Variants in TEX36 observed in about 807,000 individuals in gnomAD.
TEX36 encodes the protein testis-expressed protein 36.
TEX36 carries 12 observed loss-of-function variants against 13.6 expected under a neutral mutation model. That is an observed-to-expected ratio of 0.88 (90% confidence interval 0.56 to 1.43). TEX36 has a LOEUF of 1.43. Ranked by LOEUF, TEX36 falls within the 40% of genes most tolerant of loss-of-function variation. The pLI is 0.00. For missense variants in TEX36, 224 were observed against 228.3 expected, an observed-to-expected ratio of 0.98 and a Z score of 0.12; for synonymous variants, 93 against 83.0, an observed-to-expected ratio of 1.12 and a Z score of -0.65.
At chr10:125,613,589 G>A in intron 3 of TEX36, among the ~76,000 whole-genome samples, 1 of 151,510 alleles carries the variant, frequency 6.6e-6, no homozygotes, top group Non-Finnish European at 1.5e-5. Flanking sequence ...TTTCATCCAT[G>A]TCCCTACAAA....
Position 125,655,706 on chromosome 10 carries a change from T to C in TEX36, c.*194A>G. The C allele has an allele frequency of 1.6e-6, 2 of 1,260,170 alleles. No homozygotes were observed. Among genetic ancestry groups the C allele is most frequent in the East Asian group, 6.2e-5 (2 of 32,294 alleles). 78.1% of individuals were successfully genotyped at this position (1,260,170 alleles called of 1,614,324 possible). ...AACTCCCCAAAAGTAAATGTGGCCA[T>C]CTGAAAAGTTTATTTACACATGCGT... is the stretch of plus-strand genomic sequence containing the variant. On this transcript the variant is annotated 3_prime_UTR_variant, in exon 4 of 4. Transcript: ENST00000368821.
At chr10:125,633,996 AC>A (rs1846593315) in intron 3 of TEX36, among the ~76,000 whole-genome samples, 1 of 151,896 alleles carries the variant, frequency 6.6e-6, no homozygotes, top group African/African-American at 2.4e-5. Context: ...AGCATTGGAT[AC>A]CTTTACTTTC....
At chr10:125,640,045 C>T (rs1271125051) in intron 3 of TEX36, 1 of 485,784 alleles carries the variant, frequency 2.1e-6, no homozygotes. Flanking sequence ...GCGTAGTATT[C>T]CGCTGTGGTC....
intron 3 of TEX36, among the ~76,000 whole-genome samples, chr10:125,578,958 T>C (rs896662468): frequency 6.6e-6 from 1 of 152,216 alleles, no homozygotes; most frequent in Non-Finnish European, 1.5e-5. Context: ...TTCCTAGTTC[T>C]TGAAGCCCCC....
At chr10:125,638,208 G>A (rs1846643274) in intron 3 of TEX36, among the ~76,000 whole-genome samples, 1 of 151,352 alleles carries the variant, frequency 6.6e-6, no homozygotes. Context: ...TCCCTTCCAG[G>A]TGCAGGCCCC....
At chr10:125,590,443 T>C (rs1207799599) in intron 3 of TEX36, among the ~76,000 whole-genome samples, 1 of 151,786 alleles carries the variant, frequency 6.6e-6, no homozygotes, top group Non-Finnish European at 1.5e-5. Flanking sequence ...TAAAAAAAGG[T>C]GGGGGGCAGC....
intron 3 of TEX36, among the ~76,000 whole-genome samples, chr10:125,608,334 C>A (rs1380616501): frequency 6.6e-6 from 1 of 152,058 alleles, no homozygotes; most frequent in Non-Finnish European, 1.5e-5. Context: ...CATTGAACTA[C>A]TGAAAAGGGA....
chr10:125,605,524 T>C (rs575745256), intron 3 of TEX36, among the ~76,000 whole-genome samples: 1 of 152,370 alleles, frequency 6.6e-6, no homozygotes, highest in African/African-American at 2.4e-5. Flanking sequence ...TTTAGAATTC[T>C]TTTGTTAGTG....
chr10:125,662,705 C>G (rs1246659099), intron 1 of TEX36, among the ~76,000 whole-genome samples: 2 of 152,102 alleles, frequency 1.3e-5, no homozygotes, highest in Admixed American at 1.3e-4. Flanking sequence ...GACCCAGTCT[C>G]TGTGCACCAA....
chr10:125,673,278 C>T (rs1032743394), intron 1 of TEX36, among the ~76,000 whole-genome samples: 1 of 152,194 alleles, frequency 6.6e-6, no homozygotes, highest in Non-Finnish European at 1.5e-5. Flanking sequence ...TTGAGTGCTT[C>T]CTTCAGGAGC....
chr10:125,658,877 TAA>T (rs1486400942), intron 3 of TEX36, among the ~76,000 whole-genome samples: 2 of 152,076 alleles, frequency 1.3e-5, no homozygotes, highest in Non-Finnish European at 2.9e-5. Context: ...ACCAATAATC[TAA>T]AGACTACTTA....
chr10:125,634,113 A>G (rs1305519337), intron 3 of TEX36, among the ~76,000 whole-genome samples: 2 of 152,246 alleles, frequency 1.3e-5, no homozygotes, highest in East Asian at 1.9e-4. Flanking sequence ...TGACCTTTGT[A>G]TATTCATTTA....
intron 3 of TEX36, among the ~76,000 whole-genome samples, chr10:125,588,243 G>C (rs1017270651): frequency 1.3e-5 from 2 of 152,206 alleles, no homozygotes; most frequent in African/African-American, 2.4e-5. Context: ...ATCCAAGAGA[G>C]TCCCTCACCT....
intron 3 of TEX36, among the ~76,000 whole-genome samples, chr10:125,596,270 A>G (rs1846081150): frequency 6.6e-6 from 1 of 152,234 alleles, no homozygotes; most frequent in Admixed American, 6.5e-5. Context: ...ATGGGCCCAT[A>G]AAATCACAAA....
intron 3 of TEX36, among the ~76,000 whole-genome samples, chr10:125,612,390 C>G (rs954690262): frequency 1.3e-5 from 2 of 152,122 alleles, no homozygotes; most frequent in African/African-American, 4.8e-5. Context: ...CAGCACCCAT[C>G]AAAGTGCCAA....
At chr10:125,586,715 G>A (rs1015544798) in intron 3 of TEX36, among the ~76,000 whole-genome samples, 5 of 151,668 alleles carry the variant, frequency 3.3e-5, no homozygotes, top group African/African-American at 7.3e-5. Flanking sequence ...GCTGAAGGGG[G>A]AGGATTGCTT....
At chr10:125,638,156 C>A (rs913893931) in intron 3 of TEX36, among the ~76,000 whole-genome samples, 2 of 148,540 alleles carry the variant, frequency 1.3e-5, no homozygotes, top group East Asian at 2.0e-4. Flanking sequence ...CATGTGACAA[C>A]CCCCTCCCCC....
At chr10:125,642,167 T>C (rs1232190559) in intron 3 of TEX36, among the ~76,000 whole-genome samples, 1 of 152,164 alleles carries the variant, frequency 6.6e-6, no homozygotes. Context: ...AGTGAGGATT[T>C]TGTGAGGACT....
chr10:125,585,333 A>C lies in TEX36; in HGVS notation c.265-8459T>G, dbSNP rs375792170. Among the ~76,000 whole-genome samples the C allele has an allele frequency of 5.9e-5, 9 of 152,262 alleles. No individual in the cohort carries two copies. In the South Asian group the frequency reaches 1.9e-3, roughly 32 times the overall value. On this transcript the variant is annotated intron_variant, in intron 3 of 3. Coordinates refer to the TEX36 transcript ENST00000532135. The stretch of plus-strand genomic sequence containing the variant: ...CCAGCAGGTCAAGAGTCACCCCCAG[A>C]GGGAGTGTCTTGGGCTTAGAAGACA...
Sources: allele counts gnomAD v4.1 joint callset (sites outside exome capture counted in the v4.1 genomes callset), GRCh38; gene constraint gnomAD v4.1.1; transcripts MANE v1.5; gene names NCBI Gene and HGNC (gene_info 2026-07-23, HGNC 2026-07-21).